The following DRGX variants were observed in gnomAD, a reference collection of about 807,000 sequenced individuals.
The protein encoded by DRGX is dorsal root ganglia homeobox.
Under a neutral mutation model 28.6 loss-of-function variants are expected in DRGX, and 21 were observed. The observed-to-expected ratio is 0.73, with a 90% CI of 0.52 to 1.06. The LOEUF (loss-of-function observed/expected upper bound fraction) is 1.06. DRGX is among the 50% of genes least tolerant of loss of function. DRGX has a pLI of 0.00. For missense variants in DRGX, 354 were observed against 343.9 expected, an observed-to-expected ratio of 1.03 and a Z score of -0.23; for synonymous variants, 136 against 139.1, an observed-to-expected ratio of 0.98 and a Z score of 0.16.
chr10:49,392,422 T>C (rs564495173), intron 2 of DRGX, among the ~76,000 whole-genome samples: 1 of 152,380 alleles, frequency 6.6e-6, no homozygotes, highest in East Asian at 1.9e-4. Context: ...CATCTTCCTG[T>C]CCAAATTGCA....
chr10:49,381,088 C>A (rs1469408970), intron 6 of DRGX, among the ~76,000 whole-genome samples: 2 of 152,238 alleles, frequency 1.3e-5, no homozygotes, highest in Non-Finnish European at 2.9e-5. Context: ...ACGGTTCACA[C>A]CAGCAGGCCC....
intron 6 of DRGX, among the ~76,000 whole-genome samples, chr10:49,375,909 G>A (rs900962259): frequency 2.0e-5 from 3 of 152,102 alleles, no homozygotes; most frequent in African/African-American, 7.2e-5. Flanking sequence ...TCTGGCACCA[G>A]CCAGACCCTT....
chr10:49,378,990 T>C (rs1849745742), intron 6 of DRGX, among the ~76,000 whole-genome samples: 1 of 152,230 alleles, frequency 6.6e-6, no homozygotes, highest in South Asian at 2.1e-4. Flanking sequence ...TTTGAAATGC[T>C]GTAAATCTAG....
intron 4 of DRGX, among the ~76,000 whole-genome samples, chr10:49,388,905 C>A (rs1418104060): frequency 6.6e-6 from 1 of 151,984 alleles, no homozygotes; most frequent in African/African-American, 2.4e-5. Context: ...TGCATAATAG[C>A]CAACAACAGC....
intron 3 of DRGX, 123 bp from the exon 4 acceptor site, chr10:49,390,357 C>A: frequency 1.2e-6 from 1 of 821,558 alleles, no homozygotes. Context: ...CGAGGAAGGA[C>A]AGGGAGAAGA....
intron 2 of DRGX, 133 bp downstream of exon 2, chr10:49,395,274 G>A (rs1328005829): frequency 1.6e-5 from 17 of 1,084,266 alleles, no homozygotes; most frequent in Admixed American, 2.2e-5. Flanking sequence ...GTCCAGGGAG[G>A]CCCCTACTCA....
chr10:49,378,831 A>T (rs1383425475), intron 6 of DRGX, among the ~76,000 whole-genome samples: 1 of 152,220 alleles, frequency 6.6e-6, no homozygotes, highest in Non-Finnish European at 1.5e-5. Context: ...GACACAAAAA[A>T]ATACATACTG....
chr10:49,373,435 A>C (rs1245755265), intron 6 of DRGX, among the ~76,000 whole-genome samples: 1 of 152,212 alleles, frequency 6.6e-6, no homozygotes, highest in Non-Finnish European at 1.5e-5. Flanking sequence ...CGATAGACTG[A>C]ATGGTGATGT....
intron 4 of DRGX, among the ~76,000 whole-genome samples, chr10:49,387,305 T>C (rs992425398): frequency 2.6e-5 from 4 of 152,148 alleles, no homozygotes; most frequent in Non-Finnish European, 5.9e-5. Context: ...ATATCTATGA[T>C]ATCATCTGGA....
At chr10:49,393,653 G>C in intron 2 of DRGX, among the ~76,000 whole-genome samples, 1 of 152,138 alleles carries the variant, frequency 6.6e-6, no homozygotes, top group East Asian at 1.9e-4. Flanking sequence ...TTCCATTTGC[G>C]GGAGATCCCT....
At chr10:49,375,600 T>C (rs572416834) in intron 6 of DRGX, among the ~76,000 whole-genome samples, 1 of 152,336 alleles carries the variant, frequency 6.6e-6, no homozygotes, top group African/African-American at 2.4e-5. Flanking sequence ...GTAAGGCCTC[T>C]GTTTCGACAA....
chr10:49,374,807 A>G (rs1239176551), intron 6 of DRGX, among the ~76,000 whole-genome samples: 1 of 152,246 alleles, frequency 6.6e-6, no homozygotes, highest in Non-Finnish European at 1.5e-5. Context: ...TAAGGTATGT[A>G]GACTCCAATG....
At chr10:49,395,672 G>T (rs530989706) in intron 1 of DRGX, among the ~76,000 whole-genome samples, 151 bp from the exon 2 acceptor site, 1 of 152,328 alleles carries the variant, frequency 6.6e-6, no homozygotes. Context: ...CAGCCCCGTC[G>T]CAAGCAGCAA....
chr10:49,390,042 T>C (rs1849883346), intron 4 of DRGX, 91 bp downstream of exon 4: 1 of 1,220,216 alleles, frequency 8.2e-7, no homozygotes, highest in Non-Finnish European at 1.1e-6. Flanking sequence ...TTTGCTTTCT[T>C]TGGCCAAATG....
chr10:49,395,645 G>A (rs930333951), intron 1 of DRGX, 124 bp from the exon 2 acceptor site: 2 of 637,934 alleles, frequency 3.1e-6, no homozygotes, highest in African/African-American at 1.8e-5. Context: ...CACTGCGGGG[G>A]ACAGGAGGGA....
intron 6 of DRGX, among the ~76,000 whole-genome samples, chr10:49,372,711 A>G (rs1355842005): frequency 1.3e-5 from 2 of 152,202 alleles, no homozygotes; most frequent in African/African-American, 4.8e-5. Context: ...ATGCACACAC[A>G]CGTAACACTA....
At chr10:49,377,001 T>G (rs1849724320) in intron 6 of DRGX, among the ~76,000 whole-genome samples, 1 of 152,192 alleles carries the variant, frequency 6.6e-6, no homozygotes, top group Non-Finnish European at 1.5e-5. Flanking sequence ...TGAGTCTAAT[T>G]CATTGCTAGA....
Position 49,391,218 on chromosome 10 carries a change from G to A in DRGX, c.78C>T (p.Asp26=), listed in dbSNP as rs746186282. The change falls in exon 3 of 7, where the codon GAC becomes GAT. Residue 26 remains aspartate (D), a synonymous_variant. Coordinates refer to ENST00000374139, the MANE Select transcript of DRGX (RefSeq NM_001276451.2). ...GGCGCTGTTTTCTACGCAGAAACCC[G>A]TCATCAAAATCCCCCGAAGAGTGAT... ...FGNHSSGDFD[D]GFLRRKQRRN... 1.2e-5 allele frequency: 20 copies of A among 1,612,382 alleles called. No homozygotes were observed. The highest frequency in any genetic ancestry group is 4.5e-5 in the East Asian group (2 of 44,868).
chr10:49,373,422 A>G (rs1017801973), intron 6 of DRGX, among the ~76,000 whole-genome samples: 3 of 152,258 alleles, frequency 2.0e-5, no homozygotes, highest in African/African-American at 7.2e-5. Context: ...AAACATACAC[A>G]TGCGATAGAC....
Sources: allele counts gnomAD v4.1 joint callset (sites outside exome capture counted in the v4.1 genomes callset), GRCh38; gene constraint gnomAD v4.1.1; transcripts MANE v1.5; gene names NCBI Gene and HGNC (gene_info 2026-07-23, HGNC 2026-07-21).